Variants in DCP1A observed in about 807,000 individuals in gnomAD.
DCP1A encodes mRNA-decapping enzyme 1A.
In DCP1A, 20 loss-of-function variants were observed where a neutral mutation model predicts 58.0. The ratio of observed to expected loss-of-function variants is 0.34; its 90% CI spans 0.24 to 0.50. The LOEUF (loss-of-function observed/expected upper bound fraction) is 0.50. DCP1A is among the 20% of genes least tolerant of loss of function. DCP1A has a pLI of 0.98. For missense variants in DCP1A, 613 were observed against 712.2 expected (o/e 0.86, Z 1.59); for synonymous variants, 285 against 275.1 (o/e 1.04, Z -0.36).
chr3:53,338,986 T>C (rs782812295), intron 3 of DCP1A, among the ~76,000 whole-genome samples: 1 of 152,128 alleles, frequency 6.6e-6, no homozygotes, highest in Non-Finnish European at 1.5e-5. Context: ...AGAAGTTGGA[T>C]ATGAAGGTGT....
intron 6 of DCP1A, among the ~76,000 whole-genome samples, chr3:53,296,273 T>C (rs1707125004): frequency 6.6e-6 from 1 of 152,154 alleles, no homozygotes; most frequent in Non-Finnish European, 1.5e-5. Flanking sequence ...TATCCCACAA[T>C]GCAAGACAAC....
At chr3:53,307,418 C>T (rs1222471915) in intron 5 of DCP1A, among the ~76,000 whole-genome samples, 1 of 152,126 alleles carries the variant, frequency 6.6e-6, no homozygotes, top group Non-Finnish European at 1.5e-5. Context: ...CTGTAAATGA[C>T]CCTTTACATA....
At chr3:53,331,778 T>TA (rs1453985943) in intron 3 of DCP1A, among the ~76,000 whole-genome samples, 1 of 152,166 alleles carries the variant, frequency 6.6e-6, no homozygotes, top group Non-Finnish European at 1.5e-5. Context: ...GGTAAGCACA[T>TA]AGATATTAAA....
chr3:53,337,089 C>T (rs781986484), intron 3 of DCP1A, among the ~76,000 whole-genome samples: 1 of 152,118 alleles, frequency 6.6e-6, no homozygotes, highest in East Asian at 1.9e-4. Flanking sequence ...CCAGGCTGGT[C>T]TTGAACTCCT....
chr3:53,334,169 T>C (rs1553691659), intron 3 of DCP1A, among the ~76,000 whole-genome samples: 1 of 151,924 alleles, frequency 6.6e-6, no homozygotes, highest in African/African-American at 2.4e-5. Context: ...GAGGCTGAAA[T>C]GGAAGGATCA....
At chr3:53,319,260 C>A in intron 4 of DCP1A, 147 bp downstream of exon 4, 1 of 529,304 alleles carries the variant, frequency 1.9e-6, no homozygotes, top group Non-Finnish European at 3.4e-6. Flanking sequence ...TATTTTAAAG[C>A]TTTTCAGCCT....
intron 3 of DCP1A, among the ~76,000 whole-genome samples, chr3:53,323,435 T>C (rs1708026610): frequency 6.6e-6 from 1 of 152,240 alleles, no homozygotes. Flanking sequence ...TACATAGGAC[T>C]ACCTTTCTTG....
At position 53,321,134 on chromosome 3, in the gene DCP1A, G is replaced by A. The variant is rs1329085549; in HGVS notation, c.305-1661C>T. ...GAAGGTCAAGAAACATCAGGCCCAG[G>A]CCCCCTTCTTATGTTGGGTGGGGGT... On this transcript the variant is annotated intron_variant, in intron 3 of 9. Transcript: ENST00000610213. 2.0e-5 allele frequency among the ~76,000 whole-genome samples: 3 copies of A among 152,228 alleles called. No homozygotes were observed. The East Asian group carries it at 5.8e-4, about 29-fold the overall frequency.
intron 5 of DCP1A, among the ~76,000 whole-genome samples, chr3:53,306,074 A>G (rs1455647992): frequency 2.0e-5 from 3 of 152,176 alleles, no homozygotes; most frequent in African/African-American, 7.2e-5. Flanking sequence ...GCAGCCCTAA[A>G]CTCAGTTCAC....
chr3:53,324,133 A>G (rs762720074), intron 3 of DCP1A, among the ~76,000 whole-genome samples: 1 of 152,236 alleles, frequency 6.6e-6, no homozygotes, highest in Non-Finnish European at 1.5e-5. Flanking sequence ...CTGCTTTTGT[A>G]TATTATCAAA....
At chr3:53,346,270 G>A (rs1287346579) in intron 1 of DCP1A, among the ~76,000 whole-genome samples, 1 of 152,032 alleles carries the variant, frequency 6.6e-6, no homozygotes, top group African/African-American at 2.4e-5. Context: ...TCTCTTCCAG[G>A]AGGCAAAGAT....
chr3:53,329,854 A>G (rs1260409048), intron 3 of DCP1A, among the ~76,000 whole-genome samples: 9 of 152,254 alleles, frequency 5.9e-5, no homozygotes, highest in African/African-American at 1.9e-4. Flanking sequence ...GTCCTTATAA[A>G]TGATAAACTT....
chr3:53,333,527 G>T (rs2089054662), intron 3 of DCP1A, among the ~76,000 whole-genome samples: 1 of 152,078 alleles, frequency 6.6e-6, no homozygotes, highest in African/African-American at 2.4e-5. Context: ...TCTGTGGCCA[G>T]ATGTGGTGGG....
At chr3:53,336,998 T>C (rs1553692004) in intron 3 of DCP1A, among the ~76,000 whole-genome samples, 1 of 152,120 alleles carries the variant, frequency 6.6e-6, no homozygotes, top group African/African-American at 2.4e-5. Flanking sequence ...GCCTCCCAAG[T>C]AGCTGGGACT....
intron 6 of DCP1A, among the ~76,000 whole-genome samples, chr3:53,295,424 A>C: frequency 6.6e-6 from 1 of 152,258 alleles, no homozygotes; most frequent in East Asian, 1.9e-4. Context: ...ATGGATACAA[A>C]AAAATACTAA....
At chr3:53,300,946 C>T (rs1241548223) in intron 6 of DCP1A, among the ~76,000 whole-genome samples, 1 of 152,146 alleles carries the variant, frequency 6.6e-6, no homozygotes, top group Non-Finnish European at 1.5e-5. Flanking sequence ...CCATGCCTGA[C>T]CTTATAATTC....
chr3:53,330,129 C>T (rs1458305641), intron 3 of DCP1A, among the ~76,000 whole-genome samples: 1 of 152,182 alleles, frequency 6.6e-6, no homozygotes, highest in African/African-American at 2.4e-5. Context: ...CAAGCAATAA[C>T]TCTCAAATCA....
At chr3:53,309,807 C>T (rs1158420990) in intron 5 of DCP1A, among the ~76,000 whole-genome samples, 18 of 152,200 alleles carry the variant, frequency 1.2e-4, no homozygotes, top group African/African-American at 4.3e-4. Flanking sequence ...ATTCAAAAGT[C>T]TGAAATTTCG....
chr3:53,287,311 C>T lies in DCP1A; in HGVS notation c.*269G>A. The T allele has an allele frequency of 3.0e-6, 1 of 337,386 alleles. No homozygotes were observed. The highest frequency in any genetic ancestry group is 5.3e-6 in the Non-Finnish European group (1 of 188,184). 20.9% of individuals were successfully genotyped at this position (337,386 alleles called of 1,614,324 possible). On this transcript the variant is annotated 3_prime_UTR_variant, in exon 10 of 10. Coordinates refer to ENST00000610213, the MANE Select transcript of DCP1A (RefSeq NM_018403.7). ...CAGCCTTGCTCCTAGCTGATGAAAA[C>T]ACCCACATAACTTAACACAATGATC...
Sources: gnomAD v4.1 joint callset for allele counts (sites outside exome capture counted in the v4.1 genomes callset) on GRCh38, gnomAD v4.1.1 for gene constraint, MANE v1.5 for transcripts, NCBI Gene and HGNC (gene_info 2026-07-23, HGNC 2026-07-21) for gene names.